Variants in TCOF1 observed in about 807,000 individuals in gnomAD.
TCOF1 encodes treacle protein.
In TCOF1, 33 loss-of-function variants were observed where a neutral mutation model predicts 149.0. That is an observed-to-expected ratio of 0.22 (90% CI 0.17 to 0.30). The LOEUF is 0.30. TCOF1 is among the 10% of genes least tolerant of loss of function. The pLI is 1.00. For missense variants in TCOF1, 1,728 were observed against 1,840.7 expected (o/e 0.94, Z 1.12); for synonymous variants, 789 against 738.8 (o/e 1.07, Z -1.10).
chr5:150,392,800 A>G lies in TCOF1; in HGVS notation c.3603+10A>G. ...GGTGGCGCCATCCCAGGTAACTGCAAGGGAGAGGACTGGCAGCCCATAGGC... is the reference window on the plus strand; with the variant it reads ...GGTGGCGCCATCCCAGGTAACTGCAGGGGAGAGGACTGGCAGCCCATAGGC... On this transcript the variant is annotated intron_variant, in intron 22 of 26. Transcript: ENST00000643257. The G allele has an allele frequency of 1.2e-6, 2 of 1,613,618 alleles. No homozygotes were observed. The highest frequency in any genetic ancestry group is 1.7e-6 in the Non-Finnish European group (2 of 1,179,840).
chr5:150,380,612 G>A (rs953329273), intron 17 of TCOF1: 1 of 152,284 alleles, frequency 6.6e-6, no homozygotes, highest in Non-Finnish European at 1.5e-5. Context: ...GCTTGCAGAA[G>A]ATAGCAGGGC....
chr5:150,386,822 T>C lies in TCOF1; in HGVS notation c.2860-1080T>C, dbSNP rs150058755. On this transcript the variant is annotated intron_variant, in intron 17 of 26. Coordinates refer to ENST00000643257, the MANE Select transcript of TCOF1 (RefSeq NM_001371623.1). ...TTCAGGAAGGAAATGGGCCTGGAGATGCCCTCGTGTGCGGTGAACATGTTC... is the reference window on the plus strand; with the variant it reads ...TTCAGGAAGGAAATGGGCCTGGAGACGCCCTCGTGTGCGGTGAACATGTTC... 4.0e-3 allele frequency among the ~76,000 whole-genome samples: 606 copies of C among 152,362 alleles called. 6 individuals are homozygous for C. Among genetic ancestry groups the C allele is most frequent in the African/African-American group, 0.014 (585 of 41,578 alleles).
intron 7 of TCOF1, 68 bp from the exon 8 acceptor site, chr5:150,374,106 T>G (rs1369999782): frequency 9.1e-6 from 14 of 1,532,564 alleles, no homozygotes; most frequent in Non-Finnish European, 9.8e-6. Flanking sequence ...CCTCTGGACT[T>G]TATCCTAAAG....
At chr5:150,389,149 AT>A (rs1287555480) in intron 18 of TCOF1, among the ~76,000 whole-genome samples, 2 of 152,142 alleles carry the variant, frequency 1.3e-5, no homozygotes, top group Admixed American at 6.5e-5. Context: ...GTGTGTGTAT[AT>A]TTTTTTAATA....
chr5:150,394,054 C>T lies in TCOF1; in HGVS notation c.3784+502C>T. The T allele has an allele frequency of 9.8e-6, 2 of 203,464 alleles. 1 individual carries two copies. Among genetic ancestry groups the T allele is most frequent in the South Asian group, 1.7e-4 (2 of 11,636 alleles). 12.6% of individuals were successfully genotyped at this position (203,464 alleles called of 1,614,324 possible). A position where few individuals can be genotyped will look rare whatever the true frequency, so the allele number is the denominator to read the frequency against. On this transcript the variant is annotated intron_variant, in intron 23 of 26. Coordinates refer to ENST00000643257, the MANE Select transcript of TCOF1 (RefSeq NM_001371623.1). ...GGCCCCACGCCCAGGTGTCTGGCTC[C>T]CATGGCCCTGGACAGCCTGGAAGTG...
intron 23 of TCOF1, among the ~76,000 whole-genome samples, chr5:150,395,482 C>T (rs1220742895): frequency 6.6e-6 from 1 of 151,870 alleles, no homozygotes; most frequent in Admixed American, 6.5e-5. Context: ...TCTTCCCCAA[C>T]ATTCTCTGTG....
Position 150,382,703 on chromosome 5 carries a change from C to T in TCOF1, c.2859+2971C>T, listed in dbSNP as rs80256842. Among the ~76,000 whole-genome samples the T allele has an allele frequency of 9.6e-3, 1,458 of 152,346 alleles. 12 individuals carry two copies. The highest frequency in any genetic ancestry group is 0.016 in the Non-Finnish European group (1,093 of 68,036). On this transcript the variant is annotated intron_variant, in intron 17 of 26. Coordinates refer to ENST00000643257, the MANE Select transcript of TCOF1 (RefSeq NM_001371623.1). ...TGCTTTTGGCTGGGGGTGTTACAACCGGAGGTGAGCTGTGCTGGGACCACT... is the reference window on the plus strand; with the variant it reads ...TGCTTTTGGCTGGGGGTGTTACAACTGGAGGTGAGCTGTGCTGGGACCACT...
chr5:150,392,235 T>G (rs1581204665), intron 21 of TCOF1, 59 bp downstream of exon 21: 1 of 1,562,558 alleles, frequency 6.4e-7, no homozygotes, highest in Non-Finnish European at 8.8e-7. Flanking sequence ...TGTGGCCTGG[T>G]GGAGCCATAG....
rs1283260392 is a variant in TCOF1 at position 150,376,702 on chromosome 5, T to C, written c.2340+82T>C. 9 of 1,439,200 alleles carry C rather than the reference T, an allele frequency of 6.3e-6. No individual in the cohort carries two copies. The East Asian group carries it at 2.0e-4, about 32-fold the overall frequency. 89.2% of individuals were successfully genotyped at this position (1,439,200 alleles called of 1,614,324 possible). ...GAGGATGGGCTTGACTGGGGGCTAG[T>C]GTTGCCTGCAGGTGTGCAGAAGCCT... On this transcript the variant is annotated intron_variant, in intron 14 of 26. Transcript: ENST00000643257.
At chr5:150,362,870 C>A (rs1581033057) in intron 2 of TCOF1, among the ~76,000 whole-genome samples, 1 of 152,316 alleles carries the variant, frequency 6.6e-6, no homozygotes, top group South Asian at 2.1e-4. Flanking sequence ...CTGGCCCCTT[C>A]TATGGGTGAG....
chr5:150,385,343 A>G (rs1238130915), intron 17 of TCOF1, among the ~76,000 whole-genome samples: 1 of 152,172 alleles, frequency 6.6e-6, no homozygotes, highest in East Asian at 1.9e-4. Context: ...GTGCCTGGAG[A>G]ACTAACTTCT....
At chr5:150,387,757 C>T in intron 17 of TCOF1, 145 bp from the exon 18 acceptor site, 1 of 1,119,240 alleles carries the variant, frequency 8.9e-7, no homozygotes, top group South Asian at 1.5e-5. Context: ...AGGGGGCACC[C>T]TGGGCAGCTG....
chr5:150,379,349 G>T lies in TCOF1; in HGVS notation c.2599G>T (p.Asp867Tyr). 1.2e-6 allele frequency: 2 copies of T among 1,614,224 alleles called. No individual in the cohort carries two copies. The highest frequency in any genetic ancestry group is 1.7e-6 in the Non-Finnish European group (2 of 1,180,034). Reference sequence around the variant, plus strand: ...TCAGGCCCAGACAGGGCCAGAGGAGGACTCAGGGAGCAGTGAGGAGGAGTC... The same window carrying T: ...TCAGGCCCAGACAGGGCCAGAGGAGTACTCAGGGAGCAGTGAGGAGGAGTC... ...AAQAQTGPEE[D>Y]SGSSEEESDS... Residue 867 changes from aspartate to tyrosine, a missense_variant, in exon 16 of 27, where the codon GAC becomes TAC. By Grantham distance (160) the Asp-to-Tyr change is radical. Around this residue, in one of 2 missense-constraint regions of TCOF1, gnomAD observed 1,696 missense variants for 1,765.4 expected, o/e 0.96. Coordinates refer to ENST00000643257, the MANE Select transcript of TCOF1 (RefSeq NM_001371623.1).
intron 7 of TCOF1, 57 bp downstream of exon 7, chr5:150,372,293 A>G: frequency 2.0e-6 from 3 of 1,482,632 alleles, no homozygotes; most frequent in Non-Finnish European, 2.8e-6. Context: ...CAGCAGCCTG[A>G]GCACTCTGCC....
At chr5:150,385,251 G>A (rs965966149) in intron 17 of TCOF1, among the ~76,000 whole-genome samples, 2 of 152,172 alleles carry the variant, frequency 1.3e-5, no homozygotes, top group African/African-American at 2.4e-5. Flanking sequence ...TTGAATCAAA[G>A]AAAAAGGAAA....
intron 18 of TCOF1, 79 bp downstream of exon 18, chr5:150,388,167 G>A: frequency 1.3e-6 from 2 of 1,585,896 alleles, no homozygotes; most frequent in East Asian, 2.3e-5. Flanking sequence ...ACAGGACACT[G>A]GCTGAGTCAC....
rs563129948 is a variant in TCOF1, at chr5:150,369,520, G to A, written c.566-9G>A. The A allele has an allele frequency of 4.3e-6, 7 of 1,614,084 alleles. No individual in the cohort carries two copies. In the African/African-American group the frequency reaches 8.0e-5, roughly 18 times the overall value. Reference sequence around the variant, plus strand: ...GAGTCCCTCAGTCCCCTCCGTGTCCGATCCTCAGGGATGGTGTCAGCGGGC... The same window carrying A: ...GAGTCCCTCAGTCCCCTCCGTGTCCAATCCTCAGGGATGGTGTCAGCGGGC... On this transcript the variant is annotated splice_polypyrimidine_tract_variant and intron_variant, in intron 5 of 26. Coordinates refer to ENST00000643257, the MANE Select transcript of TCOF1 (RefSeq NM_001371623.1).
At chr5:150,358,125 T>TA (rs1462992610) in intron 1 of TCOF1, among the ~76,000 whole-genome samples, 4 of 152,174 alleles carry the variant, frequency 2.6e-5, no homozygotes, top group African/African-American at 7.2e-5. Flanking sequence ...CCGCTTCCCT[T>TA]ACCTCCACGC....
At chr5:150,384,005 A>G in intron 17 of TCOF1, 1 of 1,385,180 alleles carries the variant, frequency 7.2e-7, no homozygotes, top group Non-Finnish European at 9.3e-7. Flanking sequence ...CCAAGCTCCC[A>G]GAAGCTTCTG....
Sources: gnomAD v4.1 joint callset for allele counts (sites outside exome capture counted in the v4.1 genomes callset) on GRCh38, gnomAD v4.1.1 for gene constraint, gnomAD v4.1.1 regional missense constraint, MANE v1.5 for transcripts, NCBI Gene and HGNC (gene_info 2026-07-23, HGNC 2026-07-21) for gene names.